Variants in P3H2 observed in about 807,000 individuals in gnomAD.
The protein encoded by P3H2 is prolyl 3-hydroxylase 2.
In P3H2, 80 loss-of-function variants were observed where a neutral mutation model predicts 87.0. The ratio of observed to expected loss-of-function variants is 0.92; its 90% CI spans 0.77 to 1.11. The LOEUF is 1.11. Among genes scored for constraint, P3H2 ranks in the 50% least tolerant of loss-of-function variants. The probability of loss-of-function intolerance (pLI) is 0.00; values close to 1 mark genes in which losing one functional copy is unlikely to be tolerated. For synonymous variants in P3H2, 367 were observed against 359.3 expected, an observed-to-expected ratio of 1.02 and a Z score of -0.24; for missense variants, 1,001 against 923.9, an observed-to-expected ratio of 1.08 and a Z score of -1.08.
rs561572254 is a variant in P3H2 at position 190,023,017 on chromosome 3, G to T, written c.481-27575C>A. On this transcript the variant is annotated intron_variant, in intron 1 of 14. Coordinates refer to ENST00000319332, the MANE Select transcript of P3H2 (RefSeq NM_018192.4). ...AATTTTTTGTATTTTTAGTAGAGACGGTGTTTCACCGTGTTAGCCAGGATG... is the reference window on the plus strand; with the variant it reads ...AATTTTTTGTATTTTTAGTAGAGACTGTGTTTCACCGTGTTAGCCAGGATG... 2.2e-3 allele frequency among the ~76,000 whole-genome samples: 332 copies of T among 148,804 alleles called. 2 individuals are homozygous for T. The highest frequency in any genetic ancestry group is 3.9e-3 in the Non-Finnish European group (264 of 67,858).
chr3:190,043,000 A>T (rs538386770), intron 1 of P3H2, among the ~76,000 whole-genome samples: 1 of 152,314 alleles, frequency 6.6e-6, no homozygotes, highest in East Asian at 1.9e-4. Flanking sequence ...TTCCTAAACT[A>T]ATTTCCAGTA....
At chr3:189,966,075 AAAGAAAGG>A (rs1175681509) in intron 13 of P3H2, among the ~76,000 whole-genome samples, 2 of 138,242 alleles carry the variant, frequency 1.4e-5, no homozygotes, top group African/African-American at 5.8e-5. Context: ...AGAAAGAAGG[AAAGAAAGG>A]AAGAAAGAAA....
At chr3:190,024,279 C>G (rs1329532941) in intron 1 of P3H2, among the ~76,000 whole-genome samples, 1 of 151,950 alleles carries the variant, frequency 6.6e-6, no homozygotes, top group Non-Finnish European at 1.5e-5. Context: ...TGGCTCACAC[C>G]TGTAATCCCA....
At chr3:190,031,878 C>G (rs1725266208) in intron 1 of P3H2, among the ~76,000 whole-genome samples, 1 of 152,100 alleles carries the variant, frequency 6.6e-6, no homozygotes, top group African/African-American at 2.4e-5. Flanking sequence ...AAGTATAGAC[C>G]AAGAAACTGG....
rs140697104 is a variant in P3H2 at position 189,975,383 on chromosome 3, G to T, written c.1325-698C>A. Among the ~76,000 whole-genome samples the T allele has an allele frequency of 2.9e-3, 443 of 152,286 alleles. 2 individuals are homozygous for T. Among genetic ancestry groups the T allele is most frequent in the African/African-American group, 0.01 (427 of 41,544 alleles). ...GTGATGCTTTGGGGTCACATTTTAG[G>T]TTGTGAAATTACAAAATCCAGACCT... On this transcript the variant is annotated intron_variant, in intron 8 of 14. Coordinates refer to ENST00000319332, the MANE Select transcript of P3H2 (RefSeq NM_018192.4).
At position 190,061,620 on chromosome 3, in the gene P3H2, T is replaced by C. The variant is rs139298152; in HGVS notation, c.480+58632A>G. Among the ~76,000 whole-genome samples the C allele has an allele frequency of 6.0e-3, 911 of 152,310 alleles. 8 individuals are homozygous for C. Among genetic ancestry groups the C allele is most frequent in the Non-Finnish European group, 9.3e-3 (632 of 68,018 alleles). On this transcript the variant is annotated intron_variant, in intron 1 of 14. Coordinates refer to ENST00000319332, the MANE Select transcript of P3H2 (RefSeq NM_018192.4). ...GTTCATTTCTGCCATGTCCTGAAGA[T>C]GATTTCTTACTCTTCATTCACCTGC...
intron 1 of P3H2, among the ~76,000 whole-genome samples, chr3:190,033,249 C>A (rs567264884): frequency 1.3e-5 from 2 of 152,298 alleles, no homozygotes; most frequent in South Asian, 4.1e-4. Context: ...TGGCCCAGTT[C>A]CTAATGGGCC....
At chr3:190,110,381 A>G (rs1712026100) in intron 1 of P3H2, among the ~76,000 whole-genome samples, 1 of 152,144 alleles carries the variant, frequency 6.6e-6, no homozygotes, top group Non-Finnish European at 1.5e-5. Flanking sequence ...CAGAATATCA[A>G]TCAGCCAAGG....
chr3:189,989,122 A>T, intron 3 of P3H2, 84 bp from the exon 4 acceptor site: 2 of 1,514,120 alleles, frequency 1.3e-6, no homozygotes, highest in Non-Finnish European at 1.8e-6. Context: ...TACACAGGTC[A>T]TTCCTCACCT....
intron 13 of P3H2, 103 bp from the exon 14 acceptor site, chr3:189,964,201 C>T (rs779529821): frequency 1.8e-5 from 20 of 1,091,324 alleles, no homozygotes; most frequent in African/African-American, 6.2e-5. Context: ...AGGCCTGAGG[C>T]GAAGAATAAA....
At chr3:189,958,404 A>G (rs1023393364) in intron 14 of P3H2, among the ~76,000 whole-genome samples, 1 of 152,110 alleles carries the variant, frequency 6.6e-6, no homozygotes, top group Non-Finnish European at 1.5e-5. Flanking sequence ...AAGCCCGACC[A>G]TGGTTTCCTG....
At chr3:189,986,752 T>C (rs758983121) in intron 6 of P3H2, 36 bp downstream of exon 6, 4 of 1,390,080 alleles carry the variant, frequency 2.9e-6, no homozygotes, top group Middle Eastern at 1.8e-4. Context: ...TTCCACTGAA[T>C]CATTATTTTA....
Position 190,120,893 on chromosome 3 carries a change from G to C in P3H2, c.-162C>G, listed in dbSNP as rs1261456847. 4 of 1,169,720 alleles carry C rather than the reference G, an allele frequency of 3.4e-6. No homozygotes were observed. Among genetic ancestry groups the C allele is most frequent in the Non-Finnish European group, 4.6e-6 (4 of 878,520 alleles). 72.5% of individuals were successfully genotyped at this position (1,169,720 alleles called of 1,614,324 possible). A position where few individuals can be genotyped will look rare whatever the true frequency, so the allele number is the denominator to read the frequency against. On this transcript the variant is annotated 5_prime_UTR_variant, in exon 1 of 15. Transcript: ENST00000319332. Reference sequence around the variant, plus strand: ...TGACCGCCGGCGCTCCGCGTACTGAGAGGCGGAGGCCGTGCCTGGCCAGCC... The same window carrying C: ...TGACCGCCGGCGCTCCGCGTACTGACAGGCGGAGGCCGTGCCTGGCCAGCC...
chr3:190,086,004 AG>A (rs1297199207), intron 1 of P3H2, among the ~76,000 whole-genome samples: 1 of 152,204 alleles, frequency 6.6e-6, no homozygotes, highest in African/African-American at 2.4e-5. Flanking sequence ...ATTTAAATAA[AG>A]ATTATTCTTC....
chr3:190,055,554 C>T lies in P3H2; in HGVS notation c.481-60112G>A, dbSNP rs12496970. Among the ~76,000 whole-genome samples the T allele has an allele frequency of 4.0e-3, 596 of 147,514 alleles. 8 individuals are homozygous for T. The highest frequency in any genetic ancestry group is 0.035 in the East Asian group (176 of 5,074). On this transcript the variant is annotated intron_variant, in intron 1 of 14. Transcript: ENST00000319332. ...TTTTTTTTTCTCCTTTCTCTCATTT[C>T]GCTGAATACCAAAAAGTGAAGTACT...
intron 7 of P3H2, among the ~76,000 whole-genome samples, chr3:189,984,169 C>A (rs1261818224): frequency 2.0e-5 from 3 of 152,100 alleles, no homozygotes; most frequent in Non-Finnish European, 4.4e-5. Context: ...ACTTTCTGAA[C>A]TTCATTATTT....
chr3:190,080,691 C>T (rs143713183), intron 1 of P3H2, among the ~76,000 whole-genome samples: 5,624 of 152,074 alleles, frequency 0.037, 347 homozygotes, highest in African/African-American at 0.13. Context: ...TGTGAGCCAC[C>T]GCGCCCAGCT....
At position 189,957,441 on chromosome 3, in the gene P3H2, TTGTGTGTGTGTGTGTGTGTG is replaced by T. The variant is rs3062107; in HGVS notation, c.*451_*470del. 1.2e-4 allele frequency: 30 copies of T among 258,106 alleles called. No homozygotes were observed. Among genetic ancestry groups the T allele is most frequent in the Non-Finnish European group, 2.1e-4 (29 of 140,900 alleles). The allele number at this position is 258,106 out of a possible 1,614,324, so 16.0% of individuals were successfully genotyped here. A position where few individuals can be genotyped will look rare whatever the true frequency, so the allele number is the denominator to read the frequency against. On this transcript the variant is annotated 3_prime_UTR_variant, in exon 15 of 15. Transcript: ENST00000319332. ...AGCTTTTGAATTTGCAGCAACTTAA[TTGTGTGTGTGTGTGTGTGTG>T]TGTGTGTGTGTGTGTGTGTTTGGGG...
At chr3:189,984,434 G>T in intron 7 of P3H2, 116 bp downstream of exon 7, 3 of 850,258 alleles carry the variant, frequency 3.5e-6, no homozygotes, top group Non-Finnish European at 5.9e-6. Flanking sequence ...TCAGAGCTTA[G>T]AATTATTTTA....
Sources: allele counts gnomAD v4.1 joint callset (sites outside exome capture counted in the v4.1 genomes callset), GRCh38; gene constraint gnomAD v4.1.1; transcripts MANE v1.5; gene names NCBI Gene and HGNC (gene_info 2026-07-23, HGNC 2026-07-21).